The following ZNF675 variants were observed in gnomAD, a reference collection of about 807,000 sequenced individuals.
The protein encoded by ZNF675 is zinc finger protein 675, also known as TRAF6 inhibitory zinc finger.
ZNF675 carries 36 observed loss-of-function variants against 56.1 expected under a neutral mutation model. The observed-to-expected ratio is 0.64, with a 90% CI of 0.49 to 0.85. ZNF675 has a LOEUF of 0.85. Among genes scored for constraint, ZNF675 ranks in the 40% least tolerant of loss-of-function variants. The pLI is 0.00. For synonymous variants in ZNF675, 200 were observed against 218.9 expected, an observed-to-expected ratio of 0.91 and a Z score of 0.76; for missense variants, 663 against 654.2, an observed-to-expected ratio of 1.01 and a Z score of -0.15.
chr19:23,683,591 T>A (rs1968405360), intron 1 of ZNF675, among the ~76,000 whole-genome samples: 1 of 152,016 alleles, frequency 6.6e-6, no homozygotes, highest in African/African-American at 2.4e-5. Flanking sequence ...CCGGCTGATT[T>A]TTGTATTTTT....
intron 1 of ZNF675, among the ~76,000 whole-genome samples, chr19:23,663,553 G>A (rs1968110015): frequency 1.3e-5 from 2 of 152,090 alleles, no homozygotes; most frequent in African/African-American, 2.4e-5. Context: ...TTAGCCAGGC[G>A]TGGTGGCGCA....
intron 1 of ZNF675, among the ~76,000 whole-genome samples, chr19:23,665,626 TGG>T: frequency 6.6e-6 from 1 of 151,942 alleles, no homozygotes; most frequent in Non-Finnish European, 1.5e-5. Flanking sequence ...CTTGAGTAGC[TGG>T]GATAACACAG....
At chr19:23,673,304 TATACTCA>T (rs1223053236) in intron 1 of ZNF675, among the ~76,000 whole-genome samples, 1 of 151,690 alleles carries the variant, frequency 6.6e-6, no homozygotes, top group Admixed American at 6.6e-5. Flanking sequence ...TGTCTATGTG[TATACTCA>T]ATGCACACCT....
At chr19:23,661,972 G>C (rs1465784239) in intron 3 of ZNF675, 142 bp downstream of exon 3, 9 of 642,158 alleles carry the variant, frequency 1.4e-5, no homozygotes, top group Non-Finnish European at 2.5e-5. Context: ...TCAAATGTGA[G>C]AGCATAAAAT....
At chr19:23,664,459 G>C (rs1245993372) in intron 1 of ZNF675, among the ~76,000 whole-genome samples, 1 of 151,968 alleles carries the variant, frequency 6.6e-6, no homozygotes, top group East Asian at 1.9e-4. Context: ...TCTGTCCTCA[G>C]GTGTCCTCCC....
rs1456283517 is a variant in ZNF675 at position 23,687,064 on chromosome 19, A to G, written c.-31T>C. 3.1e-6 allele frequency: 5 copies of G among 1,613,252 alleles called. No homozygotes were observed. Among genetic ancestry groups the G allele is most frequent in the Non-Finnish European group, 4.2e-6 (5 of 1,179,494 alleles). ...GGCTTCCAGGGGGTCCTGGAGTCTT[A>G]GCTGTGGATCTCTCAATTTCTGCAG... On this transcript the variant is annotated 5_prime_UTR_variant, in exon 1 of 4. Transcript: ENST00000359788.
intron 1 of ZNF675, among the ~76,000 whole-genome samples, chr19:23,669,546 G>A (rs62118303): frequency 0.012 from 1,867 of 152,142 alleles, 16 homozygotes; most frequent in Middle Eastern, 0.02. Context: ...AGAGTTAAAG[G>A]GTTGCTTTAA....
At chr19:23,658,960 TATAGATAG>T (rs200739184) in intron 3 of ZNF675, among the ~76,000 whole-genome samples, 1 of 123,744 alleles carries the variant, frequency 8.1e-6, no homozygotes, top group Non-Finnish European at 1.7e-5. Context: ...TCTAGAGATC[TATAGATAG>T]ATATAGATCT....
At chr19:23,685,322 T>C (rs1968429592) in intron 1 of ZNF675, among the ~76,000 whole-genome samples, 2 of 152,184 alleles carry the variant, frequency 1.3e-5, no homozygotes, top group South Asian at 4.1e-4. Flanking sequence ...AGGGCATTCA[T>C]CTGTTTCCAT....
intron 3 of ZNF675, chr19:23,655,725 C>A (rs1482098748): frequency 6.6e-6 from 1 of 152,100 alleles, no homozygotes; most frequent in African/African-American, 2.4e-5. Flanking sequence ...GCTTAACAGA[C>A]CTGTACAAAC....
chr19:23,681,536 G>A (rs62118327), intron 1 of ZNF675, among the ~76,000 whole-genome samples: 5,008 of 151,762 alleles, frequency 0.033, 167 homozygotes, highest in South Asian at 0.14. Flanking sequence ...AGGCCTCTGT[G>A]ATATCTTTTT....
intron 3 of ZNF675, 162 bp from the exon 4 acceptor site, chr19:23,654,868 G>GAA (rs11397874): frequency 0.075 from 27,529 of 367,590 alleles, 114 homozygotes; most frequent in East Asian, 0.1. Context: ...GAGCCACATA[G>GAA]AAAAAAAAAA....
intron 1 of ZNF675, among the ~76,000 whole-genome samples, chr19:23,674,613 G>A (rs749969004): frequency 2.0e-4 from 5 of 24,552 alleles, no homozygotes; most frequent in Admixed American, 6.9e-4. Flanking sequence ...ACGAGACTCC[G>A]TCTCAAAAAA....
chr19:23,659,770 G>C (rs774494036), intron 3 of ZNF675, among the ~76,000 whole-genome samples: 1 of 152,092 alleles, frequency 6.6e-6, no homozygotes, highest in Non-Finnish European at 1.5e-5. Context: ...CACAGCCAAA[G>C]TCTGGGAGAG....
intron 2 of ZNF675, 116 bp downstream of exon 2, chr19:23,662,916 G>T: frequency 5.4e-6 from 5 of 921,182 alleles, no homozygotes; most frequent in Non-Finnish European, 7.6e-6. Context: ...CCCAGGAGGC[G>T]GAGGTTGCAG....
At chr19:23,686,957 C>T (rs1421876204) in intron 1 of ZNF675, 74 bp downstream of exon 1, 3 of 1,585,982 alleles carry the variant, frequency 1.9e-6, no homozygotes, top group East Asian at 2.2e-5. Flanking sequence ...AGGCCTGAGT[C>T]CCGCCATAGC....
At chr19:23,668,232 G>A (rs1216789761) in intron 1 of ZNF675, among the ~76,000 whole-genome samples, 1 of 150,196 alleles carries the variant, frequency 6.7e-6, no homozygotes, top group Non-Finnish European at 1.5e-5. Flanking sequence ...GACACAGGGT[G>A]CTCCAAGGCC....
chr19:23,658,900 T>TCTCTATAGATATAG (rs1568289191), intron 3 of ZNF675, among the ~76,000 whole-genome samples: 373 of 24,178 alleles, frequency 0.015, 12 homozygotes, highest in African/African-American at 0.032. Context: ...GATCTATAGA[T>TCTCTATAGATATAG]ATCTATAGAT....
At chr19:23,668,976 C>T (rs1190122258) in intron 1 of ZNF675, among the ~76,000 whole-genome samples, 3 of 152,224 alleles carry the variant, frequency 2.0e-5, no homozygotes, top group Non-Finnish European at 2.9e-5. Context: ...GGGGCTCCCA[C>T]AGTGCAGCGG....
Sources: gnomAD v4.1 joint callset for allele counts (sites outside exome capture counted in the v4.1 genomes callset) on GRCh38, gnomAD v4.1.1 for gene constraint, MANE v1.5 for transcripts, NCBI Gene and HGNC (gene_info 2026-07-23, HGNC 2026-07-21) for gene names.